GPBP1L1: variants seen among roughly 807,000 people sequenced by gnomAD.
The protein encoded by GPBP1L1 is GC-rich promoter binding protein 1 like 1.
Under a neutral mutation model 52.5 loss-of-function variants are expected in GPBP1L1, and 23 were observed. That is an observed-to-expected ratio of 0.44 (90% CI 0.32 to 0.62). The LOEUF is 0.62. Ranked by LOEUF, GPBP1L1 falls within the 20% of genes least tolerant of loss-of-function variation. The probability of loss-of-function intolerance (pLI) is 0.06; values close to 1 mark genes in which losing one functional copy is unlikely to be tolerated. For missense variants in GPBP1L1, 596 were observed against 579.3 expected (o/e 1.03, Z -0.30); for synonymous variants, 243 against 203.1 (o/e 1.20, Z -1.67).
chr1:45,650,631 C>T (rs1400273809), intron 6 of GPBP1L1, among the ~76,000 whole-genome samples: 2 of 152,158 alleles, frequency 1.3e-5, no homozygotes, highest in African/African-American at 4.8e-5. Flanking sequence ...AGAAAATCTA[C>T]TGCAAACAAT....
At chr1:45,648,592 T>C (rs1002403748) in intron 6 of GPBP1L1, among the ~76,000 whole-genome samples, 3 of 152,222 alleles carry the variant, frequency 2.0e-5, no homozygotes, top group African/African-American at 7.2e-5. Flanking sequence ...TAACCAAGCC[T>C]CTTATATAGA....
Position 45,640,250 on chromosome 1 carries a change from T to A in GPBP1L1, c.704A>T (p.Tyr235Phe), listed in dbSNP as rs200852014. The A allele has an allele frequency of 6.2e-7, 1 of 1,614,200 alleles. No individual in the cohort carries two copies. Among genetic ancestry groups the A allele is most frequent in the Non-Finnish European group, 8.5e-7 (1 of 1,180,000 alleles). The change falls in exon 8 of 13, where the codon TAT (tyrosine) becomes TTT (phenylalanine). Residue 235 changes from tyrosine to phenylalanine, a missense_variant. By Grantham distance (22) the Tyr-to-Phe change is conservative. Coordinates refer to ENST00000355105, the MANE Select transcript of GPBP1L1 (RefSeq NM_021639.5). ...NKLSSVVPSV[Y>F]KNLVPKPVPP... Reference sequence around the variant, plus strand: ...TACAGGCTTAGGAACCAGGTTCTTATAGACACTTGGAACCACGGATGACAA... The same window carrying A: ...TACAGGCTTAGGAACCAGGTTCTTAAAGACACTTGGAACCACGGATGACAA...
At chr1:45,675,407 G>A (rs1395145095) in intron 2 of GPBP1L1, among the ~76,000 whole-genome samples, 3 of 152,092 alleles carry the variant, frequency 2.0e-5, no homozygotes, top group Non-Finnish European at 1.5e-5. Flanking sequence ...CCTTACAAAT[G>A]GGACACACTT....
intron 12 of GPBP1L1, 122 bp downstream of exon 12, chr1:45,629,454 T>TCAC: frequency 4.3e-5 from 5 of 115,394 alleles, no homozygotes; most frequent in African/African-American, 5.3e-5. Flanking sequence ...ACTAAGGTAA[T>TCAC]CCCCCCCCCC....
intron 2 of GPBP1L1, among the ~76,000 whole-genome samples, chr1:45,671,089 C>T (rs935993701): frequency 5.3e-5 from 8 of 151,844 alleles, no homozygotes; most frequent in African/African-American, 1.5e-4. Flanking sequence ...CCACCGCGCC[C>T]GGACTACCAT....
chr1:45,668,698 C>T (rs1645039734), intron 2 of GPBP1L1, among the ~76,000 whole-genome samples: 1 of 152,162 alleles, frequency 6.6e-6, no homozygotes, highest in Admixed American at 6.6e-5. Flanking sequence ...AGAACACCTG[C>T]ATCTACATAT....
In GPBP1L1 at chr1:45,655,519, A is replaced by C. The variant is rs1348074091; in HGVS notation, c.61-200T>G. On this transcript the variant is annotated intron_variant, in intron 4 of 12. Coordinates refer to ENST00000355105, the MANE Select transcript of GPBP1L1 (RefSeq NM_021639.5). Reference sequence around the variant, plus strand: ...AGGTTATATATTCAATTGCTAATTCACTTCCTTTATTCCAGGAGAGGAGAA... The same window carrying C: ...AGGTTATATATTCAATTGCTAATTCCCTTCCTTTATTCCAGGAGAGGAGAA... The C allele has an allele frequency of 1.0e-4, 47 of 464,198 alleles. 1 individual carries two copies. The highest frequency in any genetic ancestry group is 1.0e-3 in the South Asian group (30 of 29,782). 28.8% of individuals were successfully genotyped at this position (464,198 alleles called of 1,614,324 possible). A position where few individuals can be genotyped will look rare whatever the true frequency, so the allele number is the denominator to read the frequency against.
chr1:45,681,943 A>T (rs1291341304), intron 2 of GPBP1L1, among the ~76,000 whole-genome samples: 1 of 152,204 alleles, frequency 6.6e-6, no homozygotes, highest in Non-Finnish European at 1.5e-5. Context: ...TCTCTATGTT[A>T]CCGAAATTAC....
At chr1:45,666,449 A>G (rs943613888) in intron 2 of GPBP1L1, among the ~76,000 whole-genome samples, 3 of 152,166 alleles carry the variant, frequency 2.0e-5, no homozygotes, top group African/African-American at 7.2e-5. Context: ...CTCGGCCTCA[A>G]AGTACTTTAA....
In GPBP1L1 at chr1:45,654,689, CACT is replaced by C; in HGVS notation, c.328_330del (p.Ser110del). ...TGGCGATGGTTCCCTGTGCCACCTC[CACT>C]ACGTTGGCTCATGCCATCATGACCT... On this transcript the variant is annotated inframe_deletion, in exon 6 of 13. Coordinates refer to ENST00000355105, the MANE Select transcript of GPBP1L1 (RefSeq NM_021639.5). 1 of 1,614,204 alleles carries C rather than the reference CACT, an allele frequency of 6.2e-7. No homozygotes were observed. The highest frequency in any genetic ancestry group is 8.5e-7 in the Non-Finnish European group (1 of 1,180,030).
At chr1:45,645,465 T>C (rs1027680681) in intron 6 of GPBP1L1, among the ~76,000 whole-genome samples, 8 of 152,250 alleles carry the variant, frequency 5.3e-5, no homozygotes, top group African/African-American at 1.2e-4. Context: ...TTATTCCATA[T>C]TATGCACAAG....
chr1:45,650,986 T>C (rs926775658), intron 6 of GPBP1L1: 4 of 338,754 alleles, frequency 1.2e-5, no homozygotes, highest in South Asian at 4.7e-5. Flanking sequence ...TTAGGAAAAT[T>C]TGCATTACCT....
chr1:45,669,865 GA>G (rs1182388806), intron 2 of GPBP1L1, among the ~76,000 whole-genome samples: 1 of 151,360 alleles, frequency 6.6e-6, no homozygotes, highest in Non-Finnish European at 1.5e-5. Context: ...CCATAAAAAT[GA>G]AAAACATAAG....
chr1:45,630,318 G>A (rs1222491332), intron 11 of GPBP1L1, among the ~76,000 whole-genome samples, 164 bp downstream of exon 11: 2 of 152,190 alleles, frequency 1.3e-5, no homozygotes, highest in African/African-American at 2.4e-5. Flanking sequence ...GAGAGAGAAT[G>A]CTTGATGAGC....
chr1:45,649,778 T>A (rs1189347248), intron 6 of GPBP1L1, among the ~76,000 whole-genome samples: 2 of 152,202 alleles, frequency 1.3e-5, no homozygotes, highest in Non-Finnish European at 2.9e-5. Context: ...TTGAAGATTA[T>A]TAACACTTCC....
chr1:45,628,660 CTTTT>C (rs1224438068), intron 12 of GPBP1L1, among the ~76,000 whole-genome samples: 2 of 152,050 alleles, frequency 1.3e-5, no homozygotes, highest in Non-Finnish European at 2.9e-5. Context: ...GTCCTTATTT[CTTTT>C]TATTTATTTA....
chr1:45,652,526 A>G (rs1644831218), intron 6 of GPBP1L1, among the ~76,000 whole-genome samples: 1 of 152,224 alleles, frequency 6.6e-6, no homozygotes, highest in Non-Finnish European at 1.5e-5. Flanking sequence ...AGTACGTAAG[A>G]AATCAAAACT....
chr1:45,636,432 T>C (rs1644595671), intron 8 of GPBP1L1, among the ~76,000 whole-genome samples: 1 of 152,166 alleles, frequency 6.6e-6, no homozygotes, highest in Non-Finnish European at 1.5e-5. Flanking sequence ...TAAAATTGCA[T>C]CTCTACCTAC....
chr1:45,649,607 T>C (rs1325332013), intron 6 of GPBP1L1, among the ~76,000 whole-genome samples: 4 of 152,214 alleles, frequency 2.6e-5, no homozygotes, highest in South Asian at 2.1e-4. Context: ...GAGGTGATGG[T>C]GCATATTTCT....
Sources: gnomAD v4.1 joint callset for allele counts (sites outside exome capture counted in the v4.1 genomes callset) on GRCh38, gnomAD v4.1.1 for gene constraint, MANE v1.5 for transcripts, NCBI Gene and HGNC (gene_info 2026-07-23, HGNC 2026-07-21) for gene names.